Variants in USP38 observed in about 807,000 individuals in gnomAD.
The protein encoded by USP38 is ubiquitin carboxyl-terminal hydrolase 38.
USP38 carries 49 observed loss-of-function variants against 94.3 expected under a neutral mutation model. The observed-to-expected ratio is 0.52, with a 90% CI of 0.41 to 0.66. The LOEUF is 0.66. Ranked by LOEUF, USP38 falls within the 30% of genes least tolerant of loss-of-function variation. The pLI, the probability that USP38 is intolerant of heterozygous loss-of-function variation, is 0.00. For missense variants in USP38, 1,128 were observed against 1,229.4 expected, an observed-to-expected ratio of 0.92 and a Z score of 1.23; for synonymous variants, 468 against 463.6, an observed-to-expected ratio of 1.01 and a Z score of -0.12.
chr4:143,211,610 A>T (rs1198550713), intron 7 of USP38, among the ~76,000 whole-genome samples: 1 of 152,232 alleles, frequency 6.6e-6, no homozygotes, highest in East Asian at 1.9e-4. Context: ...TTATGAAGTT[A>T]TGCCACAAAT....
intron 2 of USP38, among the ~76,000 whole-genome samples, chr4:143,194,321 T>C (rs1731481884): frequency 6.6e-6 from 1 of 152,158 alleles, no homozygotes; most frequent in Non-Finnish European, 1.5e-5. Flanking sequence ...AATTTACAGG[T>C]GAGGAAACAG....
chr4:143,217,360 A>G lies in USP38; in HGVS notation c.2967+2417A>G, dbSNP rs1324575556. Among the ~76,000 whole-genome samples the G allele has an allele frequency of 3.9e-5, 6 of 152,212 alleles. No individual in the cohort carries two copies. The East Asian group carries it at 7.7e-4, about 20-fold the overall frequency. On this transcript the variant is annotated intron_variant, in intron 9 of 9. Coordinates refer to ENST00000307017, the MANE Select transcript of USP38 (RefSeq NM_032557.6). ...TGTACATGTGTGTTTTCATTCTATCATTTTTGTTTTTATATCCATTTTTGA... is the reference window on the plus strand; with the variant it reads ...TGTACATGTGTGTTTTCATTCTATCGTTTTTGTTTTTATATCCATTTTTGA...
intron 4 of USP38, among the ~76,000 whole-genome samples, chr4:143,203,002 AT>A (rs1487260607): frequency 6.6e-6 from 1 of 152,126 alleles, no homozygotes; most frequent in African/African-American, 2.4e-5. Context: ...AAAATTTTAG[AT>A]TCACACTAGA....
chr4:143,203,339 G>T, intron 4 of USP38, 69 bp from the exon 5 acceptor site: 1 of 1,469,340 alleles, frequency 6.8e-7, no homozygotes, highest in East Asian at 2.3e-5. Context: ...TTTGTGTTCT[G>T]TTTGTAGGCT....
intron 6 of USP38, 66 bp downstream of exon 6, chr4:143,206,292 A>G: frequency 7.6e-7 from 1 of 1,321,258 alleles, no homozygotes; most frequent in Non-Finnish European, 1.0e-6. Flanking sequence ...GAAATATAAG[A>G]TGATAGAATT....
chr4:143,209,446 T>C, intron 6 of USP38, 118 bp from the exon 7 acceptor site: 1 of 557,588 alleles, frequency 1.8e-6, no homozygotes. Context: ...GCTGAGATTG[T>C]GCCACTGCCC....
rs1731861406 is a variant in USP38, at chr4:143,206,149, T to C, written c.1326T>C (p.Thr442=). 6.2e-7 allele frequency: 1 copy of C among 1,613,670 alleles called. No homozygotes were observed. The highest frequency in any genetic ancestry group is 1.1e-5 in the South Asian group (1 of 91,022). Residue 442 remains threonine, a synonymous_variant, in exon 6 of 10, where the codon ACT becomes ACC. Coordinates refer to ENST00000307017, the MANE Select transcript of USP38 (RefSeq NM_032557.6). ...CLSRLSGKSE[T]GKTGLINLGN... ...CTAGACTTTCTGGAAAATCTGAAAC[T>C]GGGAAAACTGGTCTTATTAACCTAG...
chr4:143,210,272 A>G (rs781654367), intron 7 of USP38, among the ~76,000 whole-genome samples: 1 of 152,184 alleles, frequency 6.6e-6, no homozygotes, highest in Non-Finnish European at 1.5e-5. Flanking sequence ...GAGACGCTAT[A>G]TGCAGTCAGT....
chr4:143,215,936 GA>G (rs909984254), intron 9 of USP38, among the ~76,000 whole-genome samples: 2 of 152,080 alleles, frequency 1.3e-5, no homozygotes, highest in African/African-American at 4.8e-5. Context: ...ATTAACTACT[GA>G]AGACTCTAAC....
In USP38 at chr4:143,223,393, C is replaced by G. The variant is rs559097768; in HGVS notation, c.*2937C>G. The G allele has an allele frequency of 6.6e-6, 1 of 151,956 alleles. No homozygotes were observed. The highest frequency in any genetic ancestry group is 2.1e-4 in the South Asian group (1 of 4,818). 9.4% of individuals were successfully genotyped at this position (151,956 alleles called of 1,614,324 possible). Reference sequence around the variant, plus strand: ...TGCTAGAGGCATTGGGGGGTCCATGCGAAAGGTTCAAACAGCCTATTACAT... The same window carrying G: ...TGCTAGAGGCATTGGGGGGTCCATGGGAAAGGTTCAAACAGCCTATTACAT... On this transcript the variant is annotated 3_prime_UTR_variant, in exon 10 of 10. Transcript: ENST00000307017.
At chr4:143,195,337 A>G (rs1448368865) in intron 2 of USP38, among the ~76,000 whole-genome samples, 2 of 152,240 alleles carry the variant, frequency 1.3e-5, no homozygotes, top group Non-Finnish European at 2.9e-5. Flanking sequence ...TGGATTTGAA[A>G]TGCCCAGCCA....
chr4:143,212,394 G>T lies in USP38; in HGVS notation c.1574G>T (p.Cys525Phe). 1.9e-6 allele frequency: 3 copies of T among 1,606,486 alleles called. No individual in the cohort carries two copies. The highest frequency in any genetic ancestry group is 1.7e-6 in the Non-Finnish European group (2 of 1,176,546). The change falls in exon 8 of 10, where the codon TGT becomes TTT. Residue 525 changes from cysteine to phenylalanine, a missense_variant. Cys to Phe is a radical substitution (Grantham distance 205, BLOSUM62 -2). Transcript: ENST00000307017. ...PWFTPRSQQD[C>F]SEYLRFLLDR... ...TTTACTCCCAGATCACAGCAAGACT[G>T]TTCTGAATACCTCAGATTTCTCCTT... is the stretch of plus-strand genomic sequence containing the variant.
chr4:143,214,924 A>T lies in USP38; in HGVS notation c.2948A>T (p.Asp983Val), dbSNP rs34578414. ...GAACTTATGGATGCTATAACAAAAG[A>T]CAATAAACTATATTTACAGGTAAGT... ...QKELMDAITK[D>V]NKLYLQEQEL... Residue 983 changes from aspartate to valine, a missense_variant, in exon 9 of 10, where the codon GAC (aspartate) becomes GTC (valine). Coordinates refer to ENST00000307017, the MANE Select transcript of USP38 (RefSeq NM_032557.6). 1 of 1,611,494 alleles carries T rather than the reference A, an allele frequency of 6.2e-7. No individual in the cohort carries two copies. Among genetic ancestry groups the T allele is most frequent in the Non-Finnish European group, 8.5e-7 (1 of 1,179,090 alleles).
chr4:143,186,226 A>C (rs1319185623), intron 1 of USP38, 94 bp downstream of exon 1: 7 of 1,336,440 alleles, frequency 5.2e-6, no homozygotes, highest in African/African-American at 1.5e-5. Context: ...TCCTGCCCTA[A>C]AAACATTCTT....
chr4:143,200,264 C>T (rs1419769698), intron 4 of USP38, among the ~76,000 whole-genome samples: 1 of 152,018 alleles, frequency 6.6e-6, no homozygotes. Context: ...ATCACATAAA[C>T]AGAAATAAAG....
intron 2 of USP38, among the ~76,000 whole-genome samples, chr4:143,189,719 C>T (rs1731339877): frequency 6.6e-6 from 1 of 151,928 alleles, no homozygotes; most frequent in Admixed American, 6.6e-5. Flanking sequence ...TGTGAAGGTG[C>T]TTTGTACGTT....
intron 2 of USP38, among the ~76,000 whole-genome samples, chr4:143,191,742 A>C (rs1337202655): frequency 6.6e-6 from 1 of 152,254 alleles, no homozygotes; most frequent in African/African-American, 2.4e-5. Flanking sequence ...TCAAGCTCAC[A>C]GTCTAATGGA....
At chr4:143,195,899 T>G in intron 3 of USP38, 54 bp downstream of exon 3, 1 of 1,477,242 alleles carries the variant, frequency 6.8e-7, no homozygotes, top group South Asian at 1.4e-5. Flanking sequence ...AAATCAATAT[T>G]TTTTTCTTTG....
chr4:143,213,352 A>G (rs1023436649), intron 8 of USP38, among the ~76,000 whole-genome samples: 1 of 152,206 alleles, frequency 6.6e-6, no homozygotes. Flanking sequence ...ACATGCTATT[A>G]AGTAGCAGTA....
Sources: allele counts gnomAD v4.1 joint callset (sites outside exome capture counted in the v4.1 genomes callset), GRCh38; gene constraint gnomAD v4.1.1; transcripts MANE v1.5; gene names NCBI Gene and HGNC (gene_info 2026-07-23, HGNC 2026-07-21).